The following PDE4D variants were observed in gnomAD, a reference collection of about 807,000 sequenced individuals.
PDE4D encodes the protein phosphodiesterase 4D.
In PDE4D, 24 loss-of-function variants were observed where a neutral mutation model predicts 87.4. The ratio of observed to expected loss-of-function variants is 0.27; its 90% CI spans 0.20 to 0.39. PDE4D has a LOEUF of 0.39. PDE4D is among the 10% of genes least tolerant of loss of function. The pLI is 1.00. For missense variants in PDE4D, 714 were observed against 1,041.0 expected, an observed-to-expected ratio of 0.69 and a Z score of 4.32; for synonymous variants, 384 against 383.2, an observed-to-expected ratio of 1.00 and a Z score of -0.02.
At chr5:60,412,483 G>A (rs1742127783) in intron 1 of PDE4D, among the ~76,000 whole-genome samples, 1 of 152,032 alleles carries the variant, frequency 6.6e-6, no homozygotes, top group African/African-American at 2.4e-5. Context: ...TCTTTTTTCT[G>A]CATGTCTGGA....
At chr5:59,913,750 T>A (rs922202828) in intron 3 of PDE4D, among the ~76,000 whole-genome samples, 1 of 152,098 alleles carries the variant, frequency 6.6e-6, no homozygotes, top group Non-Finnish European at 1.5e-5. Flanking sequence ...AGCTTATATA[T>A]GCTTTAAATA....
chr5:59,330,614 G>C (rs1207479656), intron 1 of PDE4D, among the ~76,000 whole-genome samples: 3 of 151,894 alleles, frequency 2.0e-5, no homozygotes, highest in African/African-American at 7.3e-5. Context: ...TGTTAAAAGA[G>C]AAAACCATTT....
At chr5:59,073,776 T>C (rs914088948) in intron 5 of PDE4D, among the ~76,000 whole-genome samples, 2 of 152,204 alleles carry the variant, frequency 1.3e-5, no homozygotes, top group Non-Finnish European at 2.9e-5. Context: ...AATTTGTTTC[T>C]AATACAGATC....
At chr5:59,649,904 C>CTTGTTTTTTTTTTTTTTTTTTTTT (rs1561402852) in intron 1 of PDE4D, among the ~76,000 whole-genome samples, 3 of 73,960 alleles carry the variant, frequency 4.1e-5, no homozygotes, top group African/African-American at 1.6e-4. Context: ...AGTTTGTGAA[C>CTTGTTTTTTTTTTTTTTTTTTTTT]CTTTTTTTTT....
At chr5:59,875,214 C>A (rs1748374729) in intron 1 of PDE4D, among the ~76,000 whole-genome samples, 1 of 152,038 alleles carries the variant, frequency 6.6e-6, no homozygotes, top group East Asian at 1.9e-4. Flanking sequence ...GTAATCCCAG[C>A]ACTTTGGGAG....
intron 5 of PDE4D, among the ~76,000 whole-genome samples, chr5:59,081,424 G>A (rs1193806141): frequency 6.7e-6 from 1 of 150,046 alleles, no homozygotes; most frequent in East Asian, 2.0e-4. Flanking sequence ...GTCTGGTTTT[G>A]GCTGTAATGT....
chr5:59,353,272 G>A (rs964780993), intron 1 of PDE4D, among the ~76,000 whole-genome samples: 3 of 152,016 alleles, frequency 2.0e-5, no homozygotes, highest in South Asian at 4.2e-4. Context: ...AAATTCCCTA[G>A]TGTTCTCTTA....
At chr5:59,974,068 G>C (rs1312960758) in intron 3 of PDE4D, among the ~76,000 whole-genome samples, 1 of 152,106 alleles carries the variant, frequency 6.6e-6, no homozygotes, top group Non-Finnish European at 1.5e-5. Context: ...GTGCCTTTCT[G>C]TTGTTTCACT....
intron 1 of PDE4D, among the ~76,000 whole-genome samples, chr5:59,753,641 A>G (rs1309649055): frequency 6.6e-6 from 1 of 152,136 alleles, no homozygotes; most frequent in Admixed American, 6.6e-5. Flanking sequence ...TAATTATGTA[A>G]CCGGGGGTAC....
intron 1 of PDE4D, among the ~76,000 whole-genome samples, chr5:59,304,011 C>T (rs927805494): frequency 1.3e-5 from 2 of 152,090 alleles, no homozygotes; most frequent in African/African-American, 4.8e-5. Context: ...ATTGATTCTA[C>T]CCATCCATGA....
chr5:59,795,514 T>C (rs1167957947), intron 1 of PDE4D, among the ~76,000 whole-genome samples: 2 of 152,214 alleles, frequency 1.3e-5, no homozygotes, highest in African/African-American at 4.8e-5. Flanking sequence ...AGAAAACCTA[T>C]TAAATAAATT....
intron 2 of PDE4D, among the ~76,000 whole-genome samples, chr5:60,098,152 C>T (rs748333725): frequency 6.6e-6 from 1 of 151,876 alleles, no homozygotes; most frequent in Non-Finnish European, 1.5e-5. Flanking sequence ...CTTAGAAAAA[C>T]TGTCAACACA....
intron 1 of PDE4D, among the ~76,000 whole-genome samples, chr5:59,527,307 TC>T (rs1365246299): frequency 2.0e-5 from 3 of 152,202 alleles, no homozygotes; most frequent in Admixed American, 2.0e-4. Context: ...TTTTATAAGA[TC>T]CTTTTTTAAC....
intron 3 of PDE4D, among the ~76,000 whole-genome samples, chr5:59,963,101 G>A (rs1463662747): frequency 6.6e-6 from 1 of 152,136 alleles, no homozygotes; most frequent in Admixed American, 6.6e-5. Context: ...AAAGCATCTA[G>A]GGATGATGGA....
At chr5:60,391,950 C>T (rs1380572808) in intron 1 of PDE4D, among the ~76,000 whole-genome samples, 2 of 152,024 alleles carry the variant, frequency 1.3e-5, no homozygotes, top group African/African-American at 4.8e-5. Flanking sequence ...GATTGAAAGG[C>T]AGAAGATATT....
chr5:59,847,055 G>C (rs370108026), intron 1 of PDE4D, among the ~76,000 whole-genome samples: 59 of 152,084 alleles, frequency 3.9e-4, no homozygotes, highest in African/African-American at 1.2e-3. Context: ...GGTGACATGA[G>C]AACAGGAATA....
intron 2 of PDE4D, among the ~76,000 whole-genome samples, chr5:60,010,720 A>G (rs1246832787): frequency 1.3e-5 from 2 of 152,166 alleles, no homozygotes; most frequent in East Asian, 1.9e-4. Flanking sequence ...TATCTTCTAC[A>G]ACATAGGATA....
At chr5:59,201,965 C>T (rs544230216) in intron 2 of PDE4D, among the ~76,000 whole-genome samples, 2 of 150,248 alleles carry the variant, frequency 1.3e-5, no homozygotes, top group East Asian at 3.9e-4. Context: ...CAAATTGAAA[C>T]TTTTCAACGC....
Position 58,990,999 on chromosome 5 carries a change from G to A in PDE4D, c.1189-97C>T, listed in dbSNP as rs1196613523. ...CATTTAAAAATTACAGACCTTAGGT[G>A]GCCGGGCATAGAGGCTCAAGCCTGT... On this transcript the variant is annotated intron_variant, in intron 8 of 14. Transcript: ENST00000340635. 19 of 721,868 alleles carry A rather than the reference G, an allele frequency of 2.6e-5. No homozygotes were observed. In the East Asian group the frequency reaches 5.2e-4, roughly 20 times the overall value. 44.7% of individuals were successfully genotyped at this position (721,868 alleles called of 1,614,324 possible). A position where few individuals can be genotyped will look rare whatever the true frequency, so the allele number is the denominator to read the frequency against.
Sources: allele counts gnomAD v4.1 joint callset (sites outside exome capture counted in the v4.1 genomes callset), GRCh38; gene constraint gnomAD v4.1.1; transcripts MANE v1.5; gene names NCBI Gene and HGNC (gene_info 2026-07-23, HGNC 2026-07-21).